Variants in ST6GALNAC5 observed in about 807,000 individuals in gnomAD.
ST6GALNAC5 encodes alpha-N-acetylgalactosaminide alpha-2,6-sialyltransferase 5.
Under a neutral mutation model 33.6 loss-of-function variants are expected in ST6GALNAC5, and 27 were observed. The ratio of observed to expected loss-of-function variants is 0.80; its 90% CI spans 0.59 to 1.11. The LOEUF is 1.11. ST6GALNAC5 is among the 50% of genes least tolerant of loss of function. The pLI is 0.00. For synonymous variants in ST6GALNAC5, 194 were observed against 171.2 expected, an observed-to-expected ratio of 1.13 and a Z score of -1.04; for missense variants, 428 against 454.0, an observed-to-expected ratio of 0.94 and a Z score of 0.52.
At chr1:77,037,067 C>G (rs1371736671) in intron 2 of ST6GALNAC5, among the ~76,000 whole-genome samples, 1 of 152,012 alleles carries the variant, frequency 6.6e-6, no homozygotes, top group Non-Finnish European at 1.5e-5. Flanking sequence ...GTATATCAGA[C>G]AGCAAGCAGT....
chr1:76,955,509 C>A (rs1028173516), intron 2 of ST6GALNAC5, among the ~76,000 whole-genome samples: 2 of 152,004 alleles, frequency 1.3e-5, no homozygotes, highest in Admixed American at 6.6e-5. Context: ...CCACTCATGC[C>A]TTTTTTAACA....
intron 2 of ST6GALNAC5, among the ~76,000 whole-genome samples, chr1:76,911,912 G>A (rs1422601998): frequency 6.6e-6 from 1 of 151,870 alleles, no homozygotes; most frequent in African/African-American, 2.4e-5. Flanking sequence ...GGCTTTTTAC[G>A]TCTCTATTTC....
chr1:76,868,680 C>T lies in ST6GALNAC5; in HGVS notation c.199C>T (p.Arg67Cys). The part of the protein sequence containing the change: ...QPAAESSTQQ[R>C]PGVPAGPRPL... Reference sequence around the variant, plus strand: ...GGCGGCGGAGAGCAGCACCCAGCAGCGCCCCGGGGTCCCCGCGGGACCGCG... The same window carrying T: ...GGCGGCGGAGAGCAGCACCCAGCAGTGCCCCGGGGTCCCCGCGGGACCGCG... Residue 67 changes from arginine (R) to cysteine (C), a missense_variant, in exon 2 of 5, where the codon CGC becomes TGC. By Grantham distance (180) the Arg-to-Cys change is radical (BLOSUM62 -3). Coordinates refer to ENST00000477717, the MANE Select transcript of ST6GALNAC5 (RefSeq NM_030965.3). The surrounding 1 kb of genome is among the most constrained non-coding windows in gnomAD (Gnocchi z 4.3). The T allele has an allele frequency of 2.6e-6, 4 of 1,561,244 alleles. No individual in the cohort carries two copies. Among genetic ancestry groups the T allele is most frequent in the Non-Finnish European group, 3.5e-6 (4 of 1,152,118 alleles).
chr1:76,954,816 G>A (rs1647890696), intron 2 of ST6GALNAC5, among the ~76,000 whole-genome samples: 1 of 152,144 alleles, frequency 6.6e-6, no homozygotes, highest in African/African-American at 2.4e-5. Flanking sequence ...GTCAAATGGA[G>A]CTGGGTCTGA....
intron 2 of ST6GALNAC5, among the ~76,000 whole-genome samples, chr1:76,874,234 T>C (rs1452448961): frequency 1.3e-5 from 2 of 152,222 alleles, no homozygotes; most frequent in Non-Finnish European, 2.9e-5. Context: ...TCAAAGCAAC[T>C]TCAAAGTGGC....
chr1:76,873,544 A>G (rs750666168), intron 2 of ST6GALNAC5, among the ~76,000 whole-genome samples: 3 of 152,164 alleles, frequency 2.0e-5, no homozygotes, highest in Admixed American at 2.0e-4. Context: ...GGACAGACCT[A>G]CTTACCTATG....
chr1:76,873,616 T>C (rs1218595987), intron 2 of ST6GALNAC5, among the ~76,000 whole-genome samples: 1 of 152,206 alleles, frequency 6.6e-6, no homozygotes, highest in Non-Finnish European at 1.5e-5. Flanking sequence ...GTCTCATTTT[T>C]CCAAAATTTG....
In ST6GALNAC5 at chr1:77,044,584, G is replaced by A; in HGVS notation, c.642G>A (p.Glu214=). 1 of 1,569,844 alleles carries A rather than the reference G, an allele frequency of 6.4e-7. No individual in the cohort carries two copies. Among genetic ancestry groups the A allele is most frequent in the Non-Finnish European group, 8.7e-7 (1 of 1,154,926 alleles). ...ITRHKMLQFD[E]LFKQETGKDR... Reference sequence around the variant, plus strand: ...GCCACAAGATGCTGCAGTTTGATGAGCTCTTCAAGCAGGAGACTGGCAAAG... The same window carrying A: ...GCCACAAGATGCTGCAGTTTGATGAACTCTTCAAGCAGGAGACTGGCAAAG... Residue 214 remains glutamate, a synonymous_variant, in exon 3 of 5, where the codon GAG becomes GAA. Transcript: ENST00000477717.
chr1:76,893,764 G>A (rs888486609), intron 2 of ST6GALNAC5, among the ~76,000 whole-genome samples: 4 of 152,094 alleles, frequency 2.6e-5, no homozygotes, highest in African/African-American at 9.7e-5. Flanking sequence ...GGGTTCAAGC[G>A]ATTCTCCTGC....
At chr1:76,998,726 A>G (rs541921214) in intron 2 of ST6GALNAC5, among the ~76,000 whole-genome samples, 1 of 152,184 alleles carries the variant, frequency 6.6e-6, no homozygotes, top group African/African-American at 2.4e-5. Context: ...GTAATCCATC[A>G]AAAATCCAGA....
chr1:76,897,132 G>A (rs770507807), intron 2 of ST6GALNAC5, among the ~76,000 whole-genome samples: 46 of 141,076 alleles, frequency 3.3e-4, no homozygotes, highest in Non-Finnish European at 4.8e-4. Flanking sequence ...GGCTGCCTGT[G>A]AAGCTTTGCG....
intron 2 of ST6GALNAC5, among the ~76,000 whole-genome samples, chr1:76,897,969 G>A (rs1218924074): frequency 6.6e-6 from 1 of 152,208 alleles, no homozygotes; most frequent in African/African-American, 2.4e-5. Context: ...CACTGTGAGA[G>A]TTACTCAAAG....
intron 2 of ST6GALNAC5, among the ~76,000 whole-genome samples, chr1:76,986,974 A>T (rs1273832084): frequency 6.6e-6 from 1 of 152,176 alleles, no homozygotes; most frequent in Non-Finnish European, 1.5e-5. Flanking sequence ...CAATGAGATC[A>T]GTTGGACACA....
chr1:76,916,455 T>C (rs1221223511), intron 2 of ST6GALNAC5, among the ~76,000 whole-genome samples: 1 of 152,200 alleles, frequency 6.6e-6, no homozygotes, highest in Non-Finnish European at 1.5e-5. Flanking sequence ...AAAACTTTTA[T>C]GATCAAAAAA....
chr1:77,001,160 T>G (rs931093734), intron 2 of ST6GALNAC5, among the ~76,000 whole-genome samples: 37 of 147,324 alleles, frequency 2.5e-4, no homozygotes, highest in African/African-American at 8.0e-4. Flanking sequence ...TATCCTCTTT[T>G]ATTTCCTTGA....
intron 2 of ST6GALNAC5, among the ~76,000 whole-genome samples, chr1:76,940,479 AT>A (rs2100323640): frequency 6.6e-6 from 1 of 152,204 alleles, no homozygotes; most frequent in Non-Finnish European, 1.5e-5. Flanking sequence ...AAGCACATAC[AT>A]GTTAGTGTGC....
intron 2 of ST6GALNAC5, among the ~76,000 whole-genome samples, chr1:76,910,324 G>A (rs1437131233): frequency 2.6e-5 from 4 of 151,834 alleles, no homozygotes; most frequent in South Asian, 2.1e-4. Context: ...ATTAGAAAAC[G>A]CGGGTGGTGA....
At chr1:77,026,099 C>T (rs1466874451) in intron 2 of ST6GALNAC5, among the ~76,000 whole-genome samples, 2 of 152,200 alleles carry the variant, frequency 1.3e-5, no homozygotes, top group Non-Finnish European at 2.9e-5. Context: ...GGGCAAGTTC[C>T]TTCGCCTCCC....
chr1:76,896,505 T>C (rs1654139864), intron 2 of ST6GALNAC5, among the ~76,000 whole-genome samples: 1 of 152,024 alleles, frequency 6.6e-6, no homozygotes, highest in Non-Finnish European at 1.5e-5. Flanking sequence ...CCTTTGGTGG[T>C]GTGTGGCGAT....
Sources: allele counts gnomAD v4.1 joint callset (sites outside exome capture counted in the v4.1 genomes callset), GRCh38; gene constraint gnomAD v4.1.1; non-coding constraint Gnocchi (gnomAD v3.1); transcripts MANE v1.5; gene names NCBI Gene and HGNC (gene_info 2026-07-23, HGNC 2026-07-21).